PIK3R3: variants seen among roughly 807,000 people sequenced by gnomAD.
The protein encoded by PIK3R3 is phosphatidylinositol 3-kinase regulatory subunit gamma.
PIK3R3 carries 64 observed loss-of-function variants against 62.9 expected under a neutral mutation model. That is an observed-to-expected ratio of 1.02 (90% CI 0.83 to 1.25). The LOEUF (loss-of-function observed/expected upper bound fraction) is 1.25. PIK3R3 is among the 50% of genes most tolerant of loss of function. PIK3R3 has a pLI of 0.00. For synonymous variants in PIK3R3, 165 were observed against 189.0 expected, an observed-to-expected ratio of 0.87 and a Z score of 1.04; for missense variants, 614 against 561.6, an observed-to-expected ratio of 1.09 and a Z score of -0.94.
rs746656368 is a variant in PIK3R3, at chr1:46,061,982, G to C, written c.711C>G (p.Ser237Arg). 1.2e-6 allele frequency: 2 copies of C among 1,612,602 alleles called. No individual in the cohort carries two copies. Among genetic ancestry groups the C allele is most frequent in the South Asian group, 2.2e-5 (2 of 91,016 alleles). The change falls in exon 6 of 10, where the codon AGC (serine) becomes AGG (arginine). Residue 237 changes from serine to arginine, a missense_variant. Physicochemically the swap from Ser to Arg is moderately radical, Grantham distance 110 (BLOSUM62 -1). Coordinates refer to ENST00000262741, the MANE Select transcript of PIK3R3 (RefSeq NM_003629.4). ...EEQCHTQEQH[S>R]KEYIERFRRE... is the part of the protein sequence containing the mutation. Reference sequence around the variant, plus strand: ...TGCGAAATCGCTCAATATATTCTTTGCTATGTTGTTCTTGTGTGTGACACT... The same window carrying C: ...TGCGAAATCGCTCAATATATTCTTTCCTATGTTGTTCTTGTGTGTGACACT...
At chr1:46,061,357 G>A (rs1450511725) in intron 6 of PIK3R3, among the ~76,000 whole-genome samples, 4 of 152,106 alleles carry the variant, frequency 2.6e-5, no homozygotes, top group East Asian at 1.9e-4. Context: ...CCTCATTATC[G>A]TTTAACCTGA....
At chr1:46,071,726 T>TAGAG (rs1484218267) in intron 3 of PIK3R3, among the ~76,000 whole-genome samples, 8 of 43,712 alleles carry the variant, frequency 1.8e-4, no homozygotes, top group African/African-American at 9.2e-4. Flanking sequence ...TATATATATA[T>TAGAG]ATATAGAGAG....
the PIK3R3 span, among the ~76,000 whole-genome samples, chr1:46,151,091 G>A: frequency 2.0e-5 from 3 of 152,192 alleles, no homozygotes; most frequent in African/African-American, 7.2e-5. Flanking sequence ...AGTTACAGGC[G>A]TGAGCAACTG....
chr1:46,157,816 A>G, the PIK3R3 span, among the ~76,000 whole-genome samples: 3 of 152,234 alleles, frequency 2.0e-5, no homozygotes, highest in African/African-American at 7.2e-5. Context: ...TGCCCAGGGC[A>G]GACACATGTT....
chr1:46,067,062 A>C lies in PIK3R3; in HGVS notation c.344T>G (p.Ile115Ser), dbSNP rs749914917. The C allele has an allele frequency of 1.5e-5, 24 of 1,589,362 alleles. No homozygotes were observed. ...GCCATATTTACCATCCCGGTGATAG[A>C]TCTTTATTAACTTATTATTGCCTCC... Reference protein sequence around the residue: ...RKGGNNKLIKIYHRDGKYGFS... With the variant: ...RKGGNNKLIKSYHRDGKYGFS... The change falls in exon 4 of 10, where the codon ATC (isoleucine) becomes AGC (serine). Residue 115 changes from isoleucine (I) to serine (S), a missense_variant. Ile to Ser is a moderately radical substitution (Grantham distance 142). Coordinates refer to ENST00000262741, the MANE Select transcript of PIK3R3 (RefSeq NM_003629.4).
At chr1:46,158,669 G>T in the PIK3R3 span, among the ~76,000 whole-genome samples, 1 of 152,184 alleles carries the variant, frequency 6.6e-6, no homozygotes, top group Non-Finnish European at 1.5e-5. Context: ...TTAACAAACT[G>T]CAGAAGAAAG....
intron 1 of PIK3R3, among the ~76,000 whole-genome samples, chr1:46,130,678 G>A (rs1293350124): frequency 3.3e-5 from 5 of 152,034 alleles, no homozygotes; most frequent in African/African-American, 1.2e-4. Flanking sequence ...CCTTTCAAAC[G>A]TTTCCAAAAA....
chr1:46,149,687 C>T, the PIK3R3 span, among the ~76,000 whole-genome samples: 1 of 152,080 alleles, frequency 6.6e-6, no homozygotes, highest in African/African-American at 2.4e-5. Context: ...TGCACCACCA[C>T]ACCCAGCTAT....
chr1:46,043,517 A>C lies in PIK3R3; in HGVS notation c.*156T>G. ...AGAACCTCAGGCCTCTAATGCCCCCATCCCGGCCGGCTGCTGCTCGGCCTC... is the reference window on the plus strand; with the variant it reads ...AGAACCTCAGGCCTCTAATGCCCCCCTCCCGGCCGGCTGCTGCTCGGCCTC... On this transcript the variant is annotated 3_prime_UTR_variant, in exon 10 of 10. Coordinates refer to ENST00000262741, the MANE Select transcript of PIK3R3 (RefSeq NM_003629.4). 1.5e-6 allele frequency: 1 copy of C among 653,576 alleles called. No homozygotes were observed. Among genetic ancestry groups the C allele is most frequent in the Non-Finnish European group, 2.7e-6 (1 of 374,998 alleles). 40.5% of individuals were successfully genotyped at this position (653,576 alleles called of 1,614,324 possible). A position where few individuals can be genotyped will look rare whatever the true frequency, so the allele number is the denominator to read the frequency against.
At chr1:46,136,834 T>C (rs375408140), upstream of PIK3R3, among the ~76,000 whole-genome samples, 1 of 152,180 alleles carries the variant, frequency 6.6e-6, no homozygotes, top group South Asian at 2.1e-4. Flanking sequence ...CTGGATAATA[T>C]GTATGCCATT....
the PIK3R3 span, among the ~76,000 whole-genome samples, chr1:46,153,991 A>G: frequency 6.6e-6 from 1 of 152,250 alleles, no homozygotes; most frequent in Non-Finnish European, 1.5e-5. Context: ...TTCACTAGGC[A>G]GATAAGCGAA....
In PIK3R3 at chr1:46,102,899, T is replaced by C. The variant is rs1249051031; in HGVS notation, c.107-22149A>G. On this transcript the variant is annotated intron_variant, in intron 1 of 9. Transcript: ENST00000262741. ...ATGTTCACAGGAGCACCATTCACAATAGCTAAGAGGTGGAAGCAACCCAAA... is the reference window on the plus strand; with the variant it reads ...ATGTTCACAGGAGCACCATTCACAACAGCTAAGAGGTGGAAGCAACCCAAA... Among the ~76,000 whole-genome samples, 3 of 140,952 alleles carry C rather than the reference T, an allele frequency of 2.1e-5. No homozygotes were observed. In the Admixed American group the frequency reaches 2.2e-4, roughly 10 times the overall value. The allele number at this position is 140,952 out of a possible 152,430, so 92.5% of individuals were successfully genotyped here. A position where few individuals can be genotyped will look rare whatever the true frequency, so the allele number is the denominator to read the frequency against.
chr1:46,162,122 G>A, the PIK3R3 span, among the ~76,000 whole-genome samples: 1 of 149,472 alleles, frequency 6.7e-6, no homozygotes, highest in Non-Finnish European at 1.5e-5. Context: ...TTTCTTCATA[G>A]TATTTTTAGA....
At chr1:46,132,780 G>A (rs376374424), upstream of PIK3R3, 286 of 1,270,004 alleles carry the variant, frequency 2.3e-4, 1 homozygote, top group African/African-American at 4.0e-3. Context: ...CCGCCTCGAT[G>A]TACCGGGATT....
rs59839385 is a variant in PIK3R3, at chr1:46,129,620, G to A, written c.106+2227C>T. ...GAAGGAAATAATAAGAGCTTGATGT[G>A]GGGTGGGAGCTAGGAAAAACCTACA... On this transcript the variant is annotated intron_variant, in intron 1 of 9. Coordinates refer to ENST00000262741, the MANE Select transcript of PIK3R3 (RefSeq NM_003629.4). Among the ~76,000 whole-genome samples the A allele has an allele frequency of 4.2e-3, 632 of 152,182 alleles. 3 individuals are homozygous for A. The highest frequency in any genetic ancestry group is 0.014 in the African/African-American group (583 of 41,520).
chr1:46,131,491 G>A (rs1276826916), intron 1 of PIK3R3, among the ~76,000 whole-genome samples: 1 of 152,154 alleles, frequency 6.6e-6, no homozygotes, highest in African/African-American at 2.4e-5. Context: ...ATCCTTTGCA[G>A]GTAGAAGAGT....
chr1:46,110,275 CTTTTTTTTTTT>C (rs35873858), intron 1 of PIK3R3, among the ~76,000 whole-genome samples: 55 of 71,312 alleles, frequency 7.7e-4, no homozygotes, highest in Non-Finnish European at 5.6e-4. Flanking sequence ...CCAGGCTTGG[CTTTTTTTTTTT>C]TTTTTTTTTT....
intron 1 of PIK3R3, among the ~76,000 whole-genome samples, chr1:46,127,319 G>C (rs1345913867): frequency 7.2e-6 from 1 of 138,006 alleles, no homozygotes. Flanking sequence ...TCTAGCCTGA[G>C]CAACAAAGGT....
At chr1:46,112,694 G>T (rs77850728) in intron 1 of PIK3R3, among the ~76,000 whole-genome samples, 1 of 152,014 alleles carries the variant, frequency 6.6e-6, no homozygotes, top group South Asian at 2.1e-4. Flanking sequence ...CCCACCCTAC[G>T]AACTCAGTAA....
Sources: gnomAD v4.1 joint callset for allele counts (sites outside exome capture counted in the v4.1 genomes callset) on GRCh38, gnomAD v4.1.1 for gene constraint, MANE v1.5 for transcripts, NCBI Gene and HGNC (gene_info 2026-07-23, HGNC 2026-07-21) for gene names.